The following MYT1L variants were observed in gnomAD, a reference collection of about 807,000 sequenced individuals.
MYT1L encodes myelin transcription factor 1 like, also known as myelin transcription factor 1-like protein.
In MYT1L, 12 loss-of-function variants were observed where a neutral mutation model predicts 126.7. The ratio of observed to expected loss-of-function variants is 0.09; its 90% CI spans 0.06 to 0.15. MYT1L has a LOEUF of 0.15. MYT1L is among the 10% of genes least tolerant of loss of function. The pLI is 1.00. For synonymous variants in MYT1L, 541 were observed against 604.2 expected, an observed-to-expected ratio of 0.90 and a Z score of 1.53; for missense variants, 979 against 1,585.2, an observed-to-expected ratio of 0.62 and a Z score of 6.49.
intron 3 of MYT1L, among the ~76,000 whole-genome samples, chr2:2,074,955 G>A (rs1472328827): frequency 6.6e-6 from 1 of 152,200 alleles, no homozygotes; most frequent in Non-Finnish European, 1.5e-5. Context: ...GGTACCAGTA[G>A]TTACGATCCT....
At chr2:2,207,372 A>G (rs1341298239) in intron 2 of MYT1L, among the ~76,000 whole-genome samples, 1 of 152,122 alleles carries the variant, frequency 6.6e-6, no homozygotes, top group African/African-American at 2.4e-5. Context: ...TCCTTTCCCC[A>G]TCATTGTCCT....
intron 2 of MYT1L, among the ~76,000 whole-genome samples, chr2:2,187,984 CTCTG>C (rs1321946249): frequency 2.0e-5 from 3 of 152,000 alleles, no homozygotes; most frequent in African/African-American, 4.8e-5. Context: ...GCATATTTGC[CTCTG>C]TCTACCTTAA....
chr2:2,252,803 A>G (rs1236702546), intron 2 of MYT1L, among the ~76,000 whole-genome samples: 1 of 152,034 alleles, frequency 6.6e-6, no homozygotes, highest in African/African-American at 2.4e-5. Flanking sequence ...GGGGTGCTAT[A>G]TGTCTTCTAA....
Position 1,852,647 on chromosome 2 carries a change from G to A in MYT1L, c.2712-944C>T, listed in dbSNP as rs4853828. 0.46 allele frequency among the ~76,000 whole-genome samples: 70,166 copies of A among 151,782 alleles called. 17,206 individuals are homozygous for A. The highest frequency in any genetic ancestry group is 0.67 in the Middle Eastern group (196 of 294). ...TTTGAGCTATTTCAGTTGCATTTGCGCCCACCATGAATGTAAAAATTAAGA... is the reference window on the plus strand; with the variant it reads ...TTTGAGCTATTTCAGTTGCATTTGCACCCACCATGAATGTAAAAATTAAGA... On this transcript the variant is annotated intron_variant, in intron 18 of 24. Coordinates refer to ENST00000647738, the MANE Select transcript of MYT1L (RefSeq NM_001303052.2). The surrounding 1 kb of genome is among the most constrained non-coding windows in gnomAD (Gnocchi z 4.0).
intron 2 of MYT1L, among the ~76,000 whole-genome samples, chr2:2,188,588 G>A (rs559428442): frequency 2.8e-4 from 43 of 152,310 alleles, no homozygotes; most frequent in African/African-American, 1.0e-3. Flanking sequence ...TTAAGAGTCA[G>A]ACAGACGGCA....
intron 22 of MYT1L, among the ~76,000 whole-genome samples, chr2:1,802,537 A>G (rs2035037138): frequency 1.3e-5 from 2 of 152,174 alleles, no homozygotes; most frequent in African/African-American, 2.4e-5. Context: ...CAGAATGATG[A>G]CCTCGGCCAG....
intron 18 of MYT1L, among the ~76,000 whole-genome samples, chr2:1,867,796 C>A (rs1008419780): frequency 6.6e-6 from 1 of 152,198 alleles, no homozygotes; most frequent in African/African-American, 2.4e-5. Flanking sequence ...ATTGTTCACA[C>A]ATTACCTTCA....
At chr2:1,792,624 T>C (rs1028803427) in intron 23 of MYT1L, among the ~76,000 whole-genome samples, 160 bp from the exon 24 acceptor site, 41 of 152,144 alleles carry the variant, frequency 2.7e-4, no homozygotes, top group African/African-American at 9.2e-4. Flanking sequence ...AATCCCAGCA[T>C]TTTGGGAGGC....
intron 5 of MYT1L, among the ~76,000 whole-genome samples, chr2:1,982,074 CA>C (rs2060651545): frequency 6.6e-6 from 1 of 152,166 alleles, no homozygotes; most frequent in African/African-American, 2.4e-5. Context: ...ATGAGGAACA[CA>C]TCAATGCTCT....
chr2:2,209,681 T>A (rs1409134130), intron 2 of MYT1L, among the ~76,000 whole-genome samples: 2 of 152,236 alleles, frequency 1.3e-5, no homozygotes, highest in Non-Finnish European at 1.5e-5. Flanking sequence ...CACATTTTTT[T>A]AATCCACTCA....
chr2:2,228,905 G>A lies in MYT1L; in HGVS notation c.-421+55499C>T, dbSNP rs1389598142. Among the ~76,000 whole-genome samples the A allele has an allele frequency of 6.6e-6, 1 of 152,048 alleles. No homozygotes were observed. The highest frequency in any genetic ancestry group is 1.5e-5 in the Non-Finnish European group (1 of 68,020). ...TCTTTTTAAAAAATACAGGACAAGGGCAAGTTAATAAGAAGAAACACAAGC... is the reference window on the plus strand; with the variant it reads ...TCTTTTTAAAAAATACAGGACAAGGACAAGTTAATAAGAAGAAACACAAGC... On this transcript the variant is annotated intron_variant, in intron 2 of 24. Coordinates refer to ENST00000647738, the MANE Select transcript of MYT1L (RefSeq NM_001303052.2). The surrounding 1 kb of genome is among the most constrained non-coding windows in gnomAD (Gnocchi z 5.9).
intron 3 of MYT1L, among the ~76,000 whole-genome samples, chr2:2,072,773 C>T (rs2074758288): frequency 6.6e-6 from 1 of 152,168 alleles, no homozygotes; most frequent in Non-Finnish European, 1.5e-5. Context: ...TTGGAAGTTC[C>T]TACTCGTCCT....
intron 3 of MYT1L, among the ~76,000 whole-genome samples, chr2:2,094,793 C>T (rs974294161): frequency 6.6e-6 from 1 of 151,226 alleles, no homozygotes; most frequent in Non-Finnish European, 1.5e-5. Context: ...GAGGGGGGAG[C>T]GATAGCATTA....
intron 1 of MYT1L, among the ~76,000 whole-genome samples, chr2:2,319,567 A>G (rs60138520): frequency 2.1e-3 from 324 of 152,230 alleles, no homozygotes; most frequent in Non-Finnish European, 3.5e-3. Context: ...TGGTGATACA[A>G]TGCCATGCTG....
At chr2:2,094,216 G>A (rs1212291926) in intron 3 of MYT1L, among the ~76,000 whole-genome samples, 3 of 152,174 alleles carry the variant, frequency 2.0e-5, no homozygotes, top group Non-Finnish European at 2.9e-5. Context: ...AAACCACTAT[G>A]AGATACTATC....
intron 3 of MYT1L, among the ~76,000 whole-genome samples, chr2:2,138,780 C>T (rs2083469086): frequency 6.8e-6 from 1 of 147,418 alleles, no homozygotes; most frequent in South Asian, 2.2e-4. Flanking sequence ...ACCAGCATGG[C>T]ACATGTATAC....
chr2:1,884,817 G>A (rs548045782), intron 18 of MYT1L, among the ~76,000 whole-genome samples: 7 of 152,322 alleles, frequency 4.6e-5, no homozygotes, highest in South Asian at 2.1e-4. Flanking sequence ...CTGCCCATGC[G>A]CACCCTGCCC....
At chr2:1,826,330 C>T (rs1445647702) in intron 21 of MYT1L, among the ~76,000 whole-genome samples, 1 of 152,190 alleles carries the variant, frequency 6.6e-6, no homozygotes, top group Non-Finnish European at 1.5e-5. Flanking sequence ...TGCTTTCATT[C>T]AGCATCTGCT....
At chr2:2,167,004 A>G (rs1014606774) in intron 3 of MYT1L, among the ~76,000 whole-genome samples, 3 of 152,218 alleles carry the variant, frequency 2.0e-5, no homozygotes, top group African/African-American at 4.8e-5. Context: ...TGAATAGCAT[A>G]AAGCATAACA....
Sources: gnomAD v4.1 joint callset for allele counts (sites outside exome capture counted in the v4.1 genomes callset) on GRCh38, gnomAD v4.1.1 for gene constraint, Gnocchi (gnomAD v3.1) non-coding constraint, MANE v1.5 for transcripts, NCBI Gene and HGNC (gene_info 2026-07-23, HGNC 2026-07-21) for gene names.